The following PDE11A variants were observed in gnomAD, a reference collection of about 807,000 sequenced individuals.
PDE11A encodes the protein phosphodiesterase 11A.
In PDE11A, 100 loss-of-function variants were observed where a neutral mutation model predicts 100.5. That is an observed-to-expected ratio of 1.00 (90% CI 0.85 to 1.18). The LOEUF is 1.18. PDE11A is among the 50% of genes most tolerant of loss of function. The pLI, the probability that PDE11A is intolerant of heterozygous loss-of-function variation, is 0.00. For missense variants in PDE11A, 1,141 were observed against 1,152.6 expected (o/e 0.99, Z 0.15); for synonymous variants, 381 against 420.8 (o/e 0.91, Z 1.16).
At chr2:178,072,974 G>C (rs1400642023), upstream of PDE11A, 1 of 985,348 alleles carries the variant, frequency 1.0e-6, no homozygotes, top group Non-Finnish European at 1.2e-6. Context: ...CTCCTGATTG[G>C]AACACGATTA....
intron 1 of PDE11A, chr2:178,039,024 A>C (rs1422195897): frequency 1.3e-5 from 2 of 152,234 alleles, no homozygotes; most frequent in East Asian, 3.8e-4. Context: ...ATTACTGGCT[A>C]TATAACCAGA....
chr2:177,984,265 T>C (rs2085916204), intron 2 of PDE11A, among the ~76,000 whole-genome samples: 1 of 152,228 alleles, frequency 6.6e-6, no homozygotes, highest in Non-Finnish European at 1.5e-5. Flanking sequence ...ATGAAATTGC[T>C]TGCTCTTGTA....
intron 9 of PDE11A, among the ~76,000 whole-genome samples, chr2:177,805,319 G>T (rs2082854093): frequency 6.6e-6 from 1 of 151,724 alleles, no homozygotes; most frequent in Admixed American, 6.6e-5. Context: ...ACTATATTCT[G>T]GTTTCCATGA....
At chr2:177,665,633 A>C (rs753950952) in intron 18 of PDE11A, among the ~76,000 whole-genome samples, 1 of 151,908 alleles carries the variant, frequency 6.6e-6, no homozygotes, top group East Asian at 1.9e-4. Flanking sequence ...AGGAGGGAGG[A>C]TCACTTGAGA....
At chr2:178,056,231 A>G (rs893607157) in intron 1 of PDE11A, among the ~76,000 whole-genome samples, 2 of 152,180 alleles carry the variant, frequency 1.3e-5, no homozygotes, top group Admixed American at 1.3e-4. Context: ...GGATTCAGGA[A>G]GATGGAAAAT....
At chr2:177,667,603 T>C (rs2080609315) in intron 18 of PDE11A, among the ~76,000 whole-genome samples, 1 of 152,114 alleles carries the variant, frequency 6.6e-6, no homozygotes, top group Admixed American at 6.6e-5. Context: ...AGAAAAAAAA[T>C]GAGTGTGAGG....
Position 177,788,821 on chromosome 2 carries a change from C to A in PDE11A, c.1738-19448G>T, listed in dbSNP as rs191049018. Among the ~76,000 whole-genome samples the A allele has an allele frequency of 5.7e-3, 872 of 152,248 alleles. 6 individuals carry two copies. The highest frequency in any genetic ancestry group is 0.02 in the African/African-American group (824 of 41,526). On this transcript the variant is annotated intron_variant, in intron 9 of 19. Coordinates refer to ENST00000286063, the MANE Select transcript of PDE11A (RefSeq NM_016953.4). Reference sequence around the variant, plus strand: ...GGATAAATTCCTCGACACATACACTCTCCCAAGACTAAACCAGGAAGAAGT... The same window carrying A: ...GGATAAATTCCTCGACACATACACTATCCCAAGACTAAACCAGGAAGAAGT...
intron 13 of PDE11A, among the ~76,000 whole-genome samples, chr2:177,707,070 G>T (rs2081291969): frequency 1.3e-5 from 2 of 152,150 alleles, no homozygotes; most frequent in South Asian, 4.1e-4. Context: ...ACTCAAAATA[G>T]ATGTCACAAA....
chr2:177,851,797 T>C (rs2083714613), intron 5 of PDE11A, among the ~76,000 whole-genome samples: 2 of 152,156 alleles, frequency 1.3e-5, no homozygotes, highest in African/African-American at 4.8e-5. Flanking sequence ...GTTTGTTACA[T>C]AGGTAAACAT....
intron 19 of PDE11A, among the ~76,000 whole-genome samples, chr2:177,640,656 C>A (rs889758180): frequency 3.3e-5 from 5 of 152,220 alleles, no homozygotes; most frequent in African/African-American, 1.2e-4. Context: ...CTGAGATACT[C>A]CCAGATTTTA....
intron 2 of PDE11A, among the ~76,000 whole-genome samples, chr2:177,992,047 T>C (rs1459648218): frequency 6.6e-6 from 1 of 151,334 alleles, no homozygotes; most frequent in Non-Finnish European, 1.5e-5. Flanking sequence ...GCTTCCTAAT[T>C]ATAAAAGACT....
intron 13 of PDE11A, chr2:177,702,846 T>C (rs1238911380): frequency 1.3e-5 from 2 of 152,168 alleles, no homozygotes; most frequent in African/African-American, 2.4e-5. Context: ...ATTTTAATCA[T>C]ATATGTGTTA....
intron 1 of PDE11A, among the ~76,000 whole-genome samples, chr2:178,041,484 C>T (rs77842101): frequency 0.019 from 2,852 of 152,030 alleles, 52 homozygotes; most frequent in East Asian, 0.091. Flanking sequence ...CCTTCTGATC[C>T]GCCCGCCTCA....
At chr2:177,947,094 T>C (rs2085449656) in intron 2 of PDE11A, among the ~76,000 whole-genome samples, 1 of 30,708 alleles carries the variant, frequency 3.3e-5, no homozygotes, top group African/African-American at 9.3e-5. Context: ...TACTGGGAAG[T>C]GAGGAGCCCC....
chr2:177,808,437 G>T (rs1454373348), intron 9 of PDE11A, among the ~76,000 whole-genome samples: 4 of 152,128 alleles, frequency 2.6e-5, no homozygotes, highest in Non-Finnish European at 5.9e-5. Context: ...AGAACAACAG[G>T]TACTATATTC....
chr2:177,717,141 C>T (rs1197655563), intron 12 of PDE11A, among the ~76,000 whole-genome samples: 1 of 152,170 alleles, frequency 6.6e-6, no homozygotes, highest in Non-Finnish European at 1.5e-5. Context: ...AGCACCCACA[C>T]ACAGTCACAC....
At chr2:177,757,465 T>C (rs1202809368) in intron 10 of PDE11A, among the ~76,000 whole-genome samples, 3 of 152,232 alleles carry the variant, frequency 2.0e-5, no homozygotes, top group African/African-American at 7.2e-5. Context: ...GTGGTTATCA[T>C]AGCATTTGTC....
chr2:177,820,360 T>G, intron 6 of PDE11A, 65 bp from the exon 7 acceptor site: 5 of 956,072 alleles, frequency 5.2e-6, no homozygotes, highest in Non-Finnish European at 8.4e-6. Context: ...TTTACATTTT[T>G]TCCATTTTTC....
intron 2 of PDE11A, among the ~76,000 whole-genome samples, chr2:177,979,609 A>ATTTTTTT (rs2085854850): frequency 9.6e-5 from 7 of 72,546 alleles, no homozygotes; most frequent in African/African-American, 2.4e-4. Context: ...TCCTCAGATG[A>ATTTTTTT]TCTTTTTTTT....
Sources: gnomAD v4.1 joint callset for allele counts (sites outside exome capture counted in the v4.1 genomes callset) on GRCh38, gnomAD v4.1.1 for gene constraint, MANE v1.5 for transcripts, NCBI Gene and HGNC (gene_info 2026-07-23, HGNC 2026-07-21) for gene names.